Variants in TDRD10 observed in about 807,000 individuals in gnomAD.
The protein encoded by TDRD10 is tudor domain-containing protein 10.
Under a neutral mutation model 48.0 loss-of-function variants are expected in TDRD10, and 40 were observed. That is an observed-to-expected ratio of 0.83 (90% CI 0.65 to 1.09). TDRD10 has a LOEUF of 1.09. Among genes scored for constraint, TDRD10 ranks in the 50% least tolerant of loss-of-function variants. The probability of loss-of-function intolerance (pLI) is 0.00; values close to 1 mark genes in which losing one functional copy is unlikely to be tolerated. For missense variants in TDRD10, 378 were observed against 434.7 expected (o/e 0.87, Z 1.16); for synonymous variants, 162 against 170.4 (o/e 0.95, Z 0.38).
chr1:154,508,603 G>C (rs1693278152), intron 4 of TDRD10, 122 bp downstream of exon 4: 1 of 720,220 alleles, frequency 1.4e-6, no homozygotes, highest in Non-Finnish European at 2.5e-6. Flanking sequence ...AGTGCAGACA[G>C]TCACTCGTTG....
At chr1:154,544,133 C>T (rs1373543515) in intron 9 of TDRD10, 23 bp downstream of exon 9, 2 of 1,613,864 alleles carry the variant, frequency 1.2e-6, no homozygotes, top group Non-Finnish European at 1.7e-6. Context: ...TGTTGGCCCC[C>T]TCAGGCTCCT....
intron 11 of TDRD10, among the ~76,000 whole-genome samples, chr1:154,545,730 G>A (rs553272247): frequency 5.3e-5 from 8 of 150,796 alleles, no homozygotes; most frequent in African/African-American, 9.8e-5. Flanking sequence ...ATGAGCTGCC[G>A]CGCTTAGCTG....
rs568594900 is a variant in TDRD10 at position 154,535,788 on chromosome 1, T to C, written c.370-6236T>C. Reference sequence around the variant, plus strand: ...ATGAAGGAGTGTGTTCCAACAAAAATGAATCAGTAAGCCAAAACAAGACGG... The same window carrying C: ...ATGAAGGAGTGTGTTCCAACAAAAACGAATCAGTAAGCCAAAACAAGACGG... On this transcript the variant is annotated intron_variant, in intron 6 of 12. Transcript: ENST00000368482. Among the ~76,000 whole-genome samples, 10 of 152,208 alleles carry C rather than the reference T, an allele frequency of 6.6e-5. No homozygotes were observed. In the South Asian group the frequency reaches 2.1e-3, roughly 32 times the overall value.
intron 4 of TDRD10, among the ~76,000 whole-genome samples, chr1:154,509,238 C>T (rs1381633195): frequency 6.6e-6 from 1 of 151,962 alleles, no homozygotes; most frequent in Non-Finnish European, 1.5e-5. Context: ...TTGTGGAACC[C>T]CTGCAGCATG....
chr1:154,540,507 C>CAAAAAAAAAAAAAAAAAAAA (rs57375022), intron 6 of TDRD10, among the ~76,000 whole-genome samples: 1 of 109,146 alleles, frequency 9.2e-6, no homozygotes, highest in African/African-American at 4.4e-5. Flanking sequence ...CCCATCTCTA[C>CAAAAAAAAAAAAAAAAAAAA]AAAAAAAAAA....
chr1:154,542,907 T>G, intron 8 of TDRD10, 86 bp downstream of exon 8: 9 of 1,132,950 alleles, frequency 7.9e-6, no homozygotes, highest in Non-Finnish European at 1.2e-5. Flanking sequence ...AGGATAGTAC[T>G]GGGGTGGGGG....
rs1204612192 is a variant in TDRD10, at chr1:154,542,025, T to C, written c.371T>C (p.Val124Ala). 2 of 1,613,806 alleles carry C rather than the reference T, an allele frequency of 1.2e-6. No homozygotes were observed. The highest frequency in any genetic ancestry group is 1.1e-5 in the South Asian group (1 of 90,982). ...DMIQQPRAPL[V>A]LEKASGEGFG... ...GAGACCTTTCATTTTTCTTCCCAGG[T>C]GTTGGAGAAGGCTTCTGGTGAAGGA... The change falls in exon 7 of 13, where the codon GTG becomes GCG. Residue 124 changes from valine to alanine, a missense_variant and splice_region_variant. Transcript: ENST00000368482.
chr1:154,505,644 T>A (rs2149308574), intron 1 of TDRD10, among the ~76,000 whole-genome samples: 1 of 152,354 alleles, frequency 6.6e-6, no homozygotes, highest in Non-Finnish European at 1.5e-5. Context: ...TAAAATGACT[T>A]TGACGCCTTG....
intron 7 of TDRD10, 109 bp from the exon 8 acceptor site, chr1:154,542,622 C>G: frequency 2.6e-6 from 2 of 777,970 alleles, no homozygotes; most frequent in South Asian, 3.6e-5. Flanking sequence ...GCTTCTTGGC[C>G]CATTTTATGC....
intron 11 of TDRD10, among the ~76,000 whole-genome samples, chr1:154,545,791 G>A (rs1230387478): frequency 7.2e-6 from 1 of 139,832 alleles, no homozygotes; most frequent in African/African-American, 2.7e-5. Context: ...TTTTTTTTGA[G>A]ATGGAGTCTC....
intron 6 of TDRD10, among the ~76,000 whole-genome samples, chr1:154,535,950 T>C (rs912635609): frequency 6.6e-6 from 1 of 152,076 alleles, no homozygotes; most frequent in Admixed American, 6.5e-5. Context: ...AGCGGTGACG[T>C]TGGCAGGAAG....
At chr1:154,541,873 G>T in intron 6 of TDRD10, 151 bp from the exon 7 acceptor site, 1 of 665,816 alleles carries the variant, frequency 1.5e-6, no homozygotes, top group East Asian at 2.8e-5. Flanking sequence ...TGGAGAGAGT[G>T]GACGGATGTC....
intron 6 of TDRD10, among the ~76,000 whole-genome samples, chr1:154,534,258 G>C (rs1244077074): frequency 6.6e-6 from 1 of 152,110 alleles, no homozygotes; most frequent in Non-Finnish European, 1.5e-5. Context: ...AAGTTTGCCA[G>C]TTCCTGGGTT....
Position 154,506,910 on chromosome 1 carries a change from G to T in TDRD10, c.2+5G>T. On this transcript the variant is annotated splice_donor_5th_base_variant and intron_variant, in intron 2 of 12. Coordinates refer to ENST00000368482, the MANE Select transcript of TDRD10 (RefSeq NM_182499.4). Reference sequence around the variant, plus strand: ...GTTGGAAAGCAACTGCAGCATGTAAGTCCCTTCCTTTTGCTGATGAGCAAG... The same window carrying T: ...GTTGGAAAGCAACTGCAGCATGTAATTCCCTTCCTTTTGCTGATGAGCAAG... 1 of 1,614,192 alleles carries T rather than the reference G, an allele frequency of 6.2e-7. No homozygotes were observed. Among genetic ancestry groups the T allele is most frequent in the Non-Finnish European group, 8.5e-7 (1 of 1,180,022 alleles).
At chr1:154,546,487 GATATATATA>G (rs1695592649) in intron 11 of TDRD10, among the ~76,000 whole-genome samples, 3 of 140,652 alleles carry the variant, frequency 2.1e-5, no homozygotes, top group African/African-American at 8.0e-5. Context: ...TATAATACGT[GATATATATA>G]ATATATATAT....
chr1:154,517,714 G>A (rs375561173), intron 4 of TDRD10, among the ~76,000 whole-genome samples: 2 of 152,146 alleles, frequency 1.3e-5, no homozygotes, highest in East Asian at 1.9e-4. Flanking sequence ...GAGCCACCGC[G>A]CCCGGCTTGG....
chr1:154,541,653 T>A (rs141247842), intron 6 of TDRD10, among the ~76,000 whole-genome samples: 6 of 152,282 alleles, frequency 3.9e-5, no homozygotes, highest in African/African-American at 1.4e-4. Context: ...AGGTGACCGC[T>A]ACTACTTCTT....
chr1:154,508,338 G>A (rs1445578452), intron 3 of TDRD10, 85 bp from the exon 4 acceptor site: 2 of 926,466 alleles, frequency 2.2e-6, no homozygotes, highest in African/African-American at 3.3e-5. Context: ...AACATAGAGA[G>A]ACCCTGTCTC....
intron 2 of TDRD10, 120 bp downstream of exon 2, chr1:154,507,025 T>C (rs1262581859): frequency 6.3e-7 from 1 of 1,596,476 alleles, no homozygotes; most frequent in Non-Finnish European, 8.5e-7. Flanking sequence ...TCTTGCCAGT[T>C]GATCCTAACT....
Sources: allele counts gnomAD v4.1 joint callset (sites outside exome capture counted in the v4.1 genomes callset), GRCh38; gene constraint gnomAD v4.1.1; transcripts MANE v1.5; gene names NCBI Gene and HGNC (gene_info 2026-07-23, HGNC 2026-07-21).